The following UGT2B28 variants were observed in gnomAD, a reference collection of about 807,000 sequenced individuals.
The protein encoded by UGT2B28 is UDP-glucuronosyltransferase 2B28.
Under a neutral mutation model 43.6 loss-of-function variants are expected in UGT2B28, and 45 were observed. The observed-to-expected ratio is 1.03, with a 90% CI of 0.81 to 1.32. The LOEUF (loss-of-function observed/expected upper bound fraction) is 1.32. UGT2B28 is among the 40% of genes most tolerant of loss of function. UGT2B28 has a pLI of 0.00. For missense variants in UGT2B28, 649 were observed against 625.5 expected, an observed-to-expected ratio of 1.04 and a Z score of -0.40; for synonymous variants, 204 against 208.1, an observed-to-expected ratio of 0.98 and a Z score of 0.17.
intron 2 of UGT2B28, among the ~76,000 whole-genome samples, chr4:69,284,197 A>G (rs1560564698): frequency 2.1e-5 from 3 of 140,382 alleles, no homozygotes; most frequent in Admixed American, 1.4e-4. Flanking sequence ...TGAACAATGC[A>G]TGTATAATAA....
intron 5 of UGT2B28, among the ~76,000 whole-genome samples, chr4:69,292,708 T>C (rs1723988518): frequency 7.1e-6 from 1 of 139,914 alleles, no homozygotes; most frequent in Non-Finnish European, 1.5e-5. Flanking sequence ...GTACGTCAAA[T>C]AGTTAATCTT....
chr4:69,289,658 G>C lies in UGT2B28; in HGVS notation c.1003-7G>C, dbSNP rs369285773. 6.5e-7 allele frequency: 1 copy of C among 1,543,446 alleles called. No homozygotes were observed. Among genetic ancestry groups the C allele is most frequent in the East Asian group, 2.3e-5 (1 of 43,258 alleles). On this transcript the variant is annotated splice_polypyrimidine_tract_variant and splice_region_variant and intron_variant, in intron 3 of 5. Transcript: ENST00000335568. ...CATGGAATAAGATATTCTCTTTACT[G>C]TAACAGGTTCTGTGGAGATTTGATG...
rs1490408214 is a variant in UGT2B28, at chr4:69,287,384, C to G, written c.1002+501C>G. On this transcript the variant is annotated intron_variant, in intron 3 of 5. Coordinates refer to ENST00000335568, the MANE Select transcript of UGT2B28 (RefSeq NM_053039.2). ...GCTGTTTTCCTAATCTCAGCAGTAT[C>G]TAATGAGTGAAGAAGATTTGACTTA... 2.8e-5 allele frequency among the ~76,000 whole-genome samples: 4 copies of G among 140,762 alleles called. 1 individual carries two copies. In the East Asian group the frequency reaches 8.2e-4, roughly 29 times the overall value. 92.3% of individuals were successfully genotyped at this position (140,762 alleles called of 152,430 possible). A position where few individuals can be genotyped will look rare whatever the true frequency, so the allele number is the denominator to read the frequency against.
At chr4:69,294,505 T>C (rs757584917) in intron 5 of UGT2B28, 25 bp from the exon 6 acceptor site, 10 of 1,511,946 alleles carry the variant, frequency 6.6e-6, no homozygotes, top group Non-Finnish European at 8.8e-6. Context: ...CTTTCAGTGT[T>C]GGTATCTTTA....
At position 69,281,022 on chromosome 4, in the gene UGT2B28, C is replaced by T. The variant is rs369837892; in HGVS notation, c.522C>T (p.Phe174=). ...TACCGTTTGTGTACAGTCTCTGCTTCACTCCTGGCTACACAATTGAAAGGC... is the reference window on the plus strand; with the variant it reads ...TACCGTTTGTGTACAGTCTCTGCTTTACTCCTGGCTACACAATTGAAAGGC... ...LNIPFVYSLC[F]TPGYTIERHS... Residue 174 remains phenylalanine (F), a synonymous_variant, in exon 1 of 6, where the codon TTC becomes TTT. Coordinates refer to ENST00000335568, the MANE Select transcript of UGT2B28 (RefSeq NM_053039.2). 3.4e-5 allele frequency: 53 copies of T among 1,559,572 alleles called. 7 individuals carry two copies. The highest frequency in any genetic ancestry group is 3.0e-4 in the East Asian group (13 of 43,580).
intron 2 of UGT2B28, among the ~76,000 whole-genome samples, chr4:69,284,685 C>T (rs1259678671): frequency 7.1e-6 from 1 of 140,220 alleles, no homozygotes; most frequent in Non-Finnish European, 1.5e-5. Context: ...ATTACTAATA[C>T]TAGGTCTTGT....
In UGT2B28 at chr4:69,285,068, C is replaced by T. The variant is rs1723730680; in HGVS notation, c.871-1684C>T. Among the ~76,000 whole-genome samples, 2 of 138,880 alleles carry T rather than the reference C, an allele frequency of 1.4e-5. 1 individual carries two copies. The highest frequency in any genetic ancestry group is 3.1e-5 in the Non-Finnish European group (2 of 65,456). The allele number at this position is 138,880 out of a possible 152,430, so 91.1% of individuals were successfully genotyped here. A position where few individuals can be genotyped will look rare whatever the true frequency, so the allele number is the denominator to read the frequency against. On this transcript the variant is annotated intron_variant, in intron 2 of 5. Coordinates refer to ENST00000335568, the MANE Select transcript of UGT2B28 (RefSeq NM_053039.2). The stretch of plus-strand genomic sequence containing the variant: ...AAAATAATTTTATCAATGAAATATT[C>T]AATTACACCATCAGCCATAGTACAG...
At chr4:69,286,144 A>AAACCACCAG (rs1723767064) in intron 2 of UGT2B28, among the ~76,000 whole-genome samples, 1 of 141,294 alleles carries the variant, frequency 7.1e-6, no homozygotes, top group Admixed American at 7.1e-5. Flanking sequence ...ACCAGCTTTT[A>AAACCACCAG]TTTTCATTTT....
At position 69,280,969 on chromosome 4, in the gene UGT2B28, G is replaced by A. The variant is rs750179968; in HGVS notation, c.469G>A (p.Gly157Ser). The A allele has an allele frequency of 1.0e-5, 16 of 1,559,342 alleles. 2 individuals carry two copies. Among genetic ancestry groups the A allele is most frequent in the African/African-American group, 3.0e-5 (2 of 65,798 alleles). Residue 157 changes from glycine (G) to serine (S), a missense_variant, in exon 1 of 6, where the codon GGT becomes AGT. Transcript: ENST00000335568. ...IIFADAFFPC[G>S]ELLAALLNIP... ...TTTTGCAGATGCTTTTTTTCCTTGT[G>A]GTGAGCTGCTGGCTGCGCTACTTAA...
At chr4:69,283,089 A>G (rs1359660122) in intron 2 of UGT2B28, among the ~76,000 whole-genome samples, 1 of 140,696 alleles carries the variant, frequency 7.1e-6, no homozygotes. Context: ...TTAAAAAACT[A>G]TTATCTCAAG....
chr4:69,282,770 A>T (rs1273064963), intron 2 of UGT2B28, 108 bp downstream of exon 2: 5 of 1,444,278 alleles, frequency 3.5e-6, no homozygotes. Flanking sequence ...AAAGATGGGA[A>T]GTAGGTGGTG....
intron 3 of UGT2B28, among the ~76,000 whole-genome samples, chr4:69,288,151 C>CAA (rs33966513): frequency 8.1e-6 from 1 of 124,172 alleles, no homozygotes; most frequent in African/African-American, 3.3e-5. Context: ...ATTTCTAGGC[C>CAA]AAAAAAAAAA....
intron 2 of UGT2B28, among the ~76,000 whole-genome samples, chr4:69,286,392 G>T (rs183363057): frequency 7.1e-6 from 1 of 140,406 alleles, no homozygotes; most frequent in African/African-American, 2.8e-5. Flanking sequence ...AAGCCTAGTG[G>T]TGCCACTTTT....
rs1723925748 is a variant in UGT2B28 at position 69,290,633 on chromosome 4, A to C, written c.1132A>C (p.Asn378His). ...TRAFITHGGANGIYEAIYHGI... is the reference protein window; with the variant it reads ...TRAFITHGGAHGIYEAIYHGI... ...AGCTTTTATAACTCATGGTGGAGCC[A>C]ATGGCATCTATGAGGCAATCTACCA... Residue 378 changes from asparagine (N) to histidine (H), a missense_variant, in exon 5 of 6, where the codon AAT (asparagine) becomes CAT (histidine). Physicochemically the swap from Asn to His is moderately conservative, Grantham distance 68 (BLOSUM62 1). Coordinates refer to ENST00000335568, the MANE Select transcript of UGT2B28 (RefSeq NM_053039.2). The C allele has an allele frequency of 1.3e-6, 2 of 1,559,486 alleles. No individual in the cohort carries two copies. The highest frequency in any genetic ancestry group is 1.7e-6 in the Non-Finnish European group (2 of 1,155,206).
intron 3 of UGT2B28, among the ~76,000 whole-genome samples, chr4:69,288,604 CT>C (rs1281913806): frequency 7.2e-6 from 1 of 138,392 alleles, no homozygotes; most frequent in African/African-American, 2.8e-5. Context: ...TTATTTTTAA[CT>C]TTTAAGTTCA....
At chr4:69,292,374 C>G (rs759720129) in intron 5 of UGT2B28, among the ~76,000 whole-genome samples, 8 of 138,596 alleles carry the variant, frequency 5.8e-5, no homozygotes, top group Non-Finnish European at 1.1e-4. Flanking sequence ...TACTTTATCC[C>G]AAAGAAAATA....
chr4:69,287,815 G>T lies in UGT2B28; in HGVS notation c.1002+932G>T, dbSNP rs1393843910. 1.4e-5 allele frequency among the ~76,000 whole-genome samples: 2 copies of T among 140,348 alleles called. 1 individual carries two copies. Among genetic ancestry groups the T allele is most frequent in the African/African-American group, 5.6e-5 (2 of 35,938 alleles). The allele number at this position is 140,348 out of a possible 152,430, so 92.1% of individuals were successfully genotyped here. On this transcript the variant is annotated intron_variant, in intron 3 of 5. Transcript: ENST00000335568. ...AAACCAGGGACCTTTGTGTATTTGT[G>T]AATTACTTTTTAATTTCCTATCTGA...
chr4:69,289,670 G>A lies in UGT2B28; in HGVS notation c.1008G>A (p.Leu336=). The A allele has an allele frequency of 1.3e-6, 2 of 1,552,992 alleles. No homozygotes were observed. Among genetic ancestry groups the A allele is most frequent in the Non-Finnish European group, 1.7e-6 (2 of 1,152,348 alleles). Residue 336 remains leucine (L), a synonymous_variant, in exon 4 of 6, where the codon CTG becomes CTA. Transcript: ENST00000335568. Reference sequence around the variant, plus strand: ...TATTCTCTTTACTGTAACAGGTTCTGTGGAGATTTGATGGGAATAAACCAG... The same window carrying A: ...TATTCTCTTTACTGTAACAGGTTCTATGGAGATTTGATGGGAATAAACCAG... ...TALAKIPQKV[L]WRFDGNKPDA...
chr4:69,285,029 C>T (rs1306176690), intron 2 of UGT2B28, among the ~76,000 whole-genome samples: 1 of 139,428 alleles, frequency 7.2e-6, no homozygotes, highest in Non-Finnish European at 1.5e-5. Flanking sequence ...AATTTATTTG[C>T]ATACGATAGC....
Sources: allele counts gnomAD v4.1 joint callset (sites outside exome capture counted in the v4.1 genomes callset), GRCh38; gene constraint gnomAD v4.1.1; transcripts MANE v1.5; gene names NCBI Gene and HGNC (gene_info 2026-07-23, HGNC 2026-07-21).